The following PHACTR1 variants were observed in gnomAD, a reference collection of about 807,000 sequenced individuals.
PHACTR1 encodes the protein RPEL repeat containing 1.
In PHACTR1, 16 loss-of-function variants were observed where a neutral mutation model predicts 69.2. That is an observed-to-expected ratio of 0.23 (90% CI 0.16 to 0.35). The LOEUF (loss-of-function observed/expected upper bound fraction) is 0.35. PHACTR1 is among the 10% of genes least tolerant of loss of function. The pLI is 1.00. For missense variants in PHACTR1, 510 were observed against 734.7 expected (o/e 0.69, Z 3.54); for synonymous variants, 312 against 284.5 (o/e 1.10, Z -0.97).
chr6:12,817,311 A>C (rs1775700210), intron 4 of PHACTR1, among the ~76,000 whole-genome samples: 1 of 151,894 alleles, frequency 6.6e-6, no homozygotes, highest in Non-Finnish European at 1.5e-5. Flanking sequence ...GGTAACTTTT[A>C]CTCCTCTCTG....
At position 12,913,552 on chromosome 6, in the gene PHACTR1, C is replaced by G. The variant is rs79125480; in HGVS notation, c.251-139813C>G. Among the ~76,000 whole-genome samples, 823 of 152,336 alleles carry G rather than the reference C, an allele frequency of 5.4e-3. 1 individual carries two copies. Among genetic ancestry groups the G allele is most frequent in the African/African-American group, 0.019 (798 of 41,560 alleles). On this transcript the variant is annotated intron_variant, in intron 4 of 14. Transcript: ENST00000332995. ...GGCCCACCCTGCATGCTCTCTAGTACGAGAGAACTCCTTAGAGGTGGGATG... is the reference window on the plus strand; with the variant it reads ...GGCCCACCCTGCATGCTCTCTAGTAGGAGAGAACTCCTTAGAGGTGGGATG...
chr6:12,959,758 G>T (rs1792443388), intron 4 of PHACTR1, among the ~76,000 whole-genome samples: 1 of 152,164 alleles, frequency 6.6e-6, no homozygotes, highest in South Asian at 2.1e-4. Flanking sequence ...AAGATAACAA[G>T]ATGCTCAAAA....
chr6:13,143,940 C>G (rs1482256440), intron 5 of PHACTR1, among the ~76,000 whole-genome samples: 1 of 151,964 alleles, frequency 6.6e-6, no homozygotes, highest in Non-Finnish European at 1.5e-5. Context: ...ATACTGTTAG[C>G]AGAATAAAGG....
In PHACTR1 at chr6:13,278,405, T is replaced by C. The variant is rs1474718742; in HGVS notation, c.1509+76T>C. 8 of 1,372,536 alleles carry C rather than the reference T, an allele frequency of 5.8e-6. No homozygotes were observed. In the East Asian group the frequency reaches 2.0e-4, roughly 34 times the overall value. 85.0% of individuals were successfully genotyped at this position (1,372,536 alleles called of 1,614,324 possible). A position where few individuals can be genotyped will look rare whatever the true frequency, so the allele number is the denominator to read the frequency against. On this transcript the variant is annotated intron_variant, in intron 12 of 14. Coordinates refer to ENST00000332995, the MANE Select transcript of PHACTR1 (RefSeq NM_030948.6). ...GCCACACCTCTGCCCTCTGCTGGCC[T>C]CAGTGGCCTCACCGCTGCCTGGTTC...
intron 10 of PHACTR1, among the ~76,000 whole-genome samples, chr6:13,240,726 C>T (rs1667886420): frequency 6.6e-6 from 1 of 152,182 alleles, no homozygotes; most frequent in African/African-American, 2.4e-5. Flanking sequence ...GGATTACGGG[C>T]ATGAACCACT....
In PHACTR1 at chr6:13,051,737, C is replaced by T. The variant is rs139775278; in HGVS notation, c.251-1628C>T. On this transcript the variant is annotated intron_variant, in intron 4 of 14. Coordinates refer to ENST00000332995, the MANE Select transcript of PHACTR1 (RefSeq NM_030948.6). ...TTAGTTGCTCTCTCCTCTTCACTTACATTGAGTTTTATATTGTAGCTCTGT... is the reference window on the plus strand; with the variant it reads ...TTAGTTGCTCTCTCCTCTTCACTTATATTGAGTTTTATATTGTAGCTCTGT... Among the ~76,000 whole-genome samples the T allele has an allele frequency of 4.0e-3, 605 of 152,310 alleles. 3 individuals carry two copies. The highest frequency in any genetic ancestry group is 0.014 in the African/African-American group (579 of 41,562).
At chr6:13,185,052 A>G in intron 7 of PHACTR1, 1 of 1,290,714 alleles carries the variant, frequency 7.7e-7, no homozygotes, top group Non-Finnish European at 1.0e-6. Flanking sequence ...CTTCCCTTCA[A>G]GGGATTTTCT....
rs147750064 is a variant in PHACTR1, at chr6:13,100,709, A to T, written c.415+47180A>T. 5.7e-3 allele frequency among the ~76,000 whole-genome samples: 874 copies of T among 152,342 alleles called. 5 individuals carry two copies. The highest frequency in any genetic ancestry group is 0.021 in the South Asian group (103 of 4,830). The stretch of plus-strand genomic sequence containing the variant: ...GGAAATCCTCTGTGGAGTTGAATTA[A>T]TCAATCAACAAGCATTTATTTAACT... On this transcript the variant is annotated intron_variant, in intron 5 of 14. Transcript: ENST00000332995.
At chr6:13,278,354 C>G (rs1779384539) in intron 12 of PHACTR1, 25 bp downstream of exon 12, 1 of 1,575,050 alleles carries the variant, frequency 6.3e-7, no homozygotes, top group Non-Finnish European at 8.6e-7. Context: ...ATGCCAAGAG[C>G]TGGGACAGGA....
chr6:12,847,065 C>T (rs1290452884), intron 4 of PHACTR1, among the ~76,000 whole-genome samples: 2 of 152,060 alleles, frequency 1.3e-5, no homozygotes, highest in Admixed American at 6.5e-5. Context: ...GATCTGGCCG[C>T]GTTGGCCTCC....
chr6:12,842,995 T>C (rs1451690009), intron 4 of PHACTR1, among the ~76,000 whole-genome samples: 1 of 152,216 alleles, frequency 6.6e-6, no homozygotes, highest in Non-Finnish European at 1.5e-5. Flanking sequence ...CTACCCTTTA[T>C]ATGCTACTTA....
At chr6:12,982,018 C>G (rs1057157353) in intron 4 of PHACTR1, among the ~76,000 whole-genome samples, 1 of 152,120 alleles carries the variant, frequency 6.6e-6, no homozygotes, top group Non-Finnish European at 1.5e-5. Context: ...TTTTTGCTTA[C>G]TCTCTCCCTT....
rs368608615 is a variant in PHACTR1 at position 12,985,009 on chromosome 6, G to A, written c.251-68356G>A. 2.6e-5 allele frequency among the ~76,000 whole-genome samples: 4 copies of A among 152,172 alleles called. No homozygotes were observed. The East Asian group carries it at 7.7e-4, about 29-fold the overall frequency. ...ACTGCTTCTATACTTGGCAAAAGCC[G>A]GGTTGTCCCTTAAGTTAAAATCATC... On this transcript the variant is annotated intron_variant, in intron 4 of 14. Coordinates refer to ENST00000332995, the MANE Select transcript of PHACTR1 (RefSeq NM_030948.6).
intron 10 of PHACTR1, among the ~76,000 whole-genome samples, chr6:13,256,441 CT>C (rs1775210218): frequency 6.6e-6 from 1 of 152,234 alleles, no homozygotes. Flanking sequence ...AATTCCTCCC[CT>C]GAAAATGGGC....
intron 3 of PHACTR1, among the ~76,000 whole-genome samples, chr6:12,729,557 C>T (rs762059169): frequency 3.9e-5 from 6 of 152,134 alleles, no homozygotes; most frequent in East Asian, 1.9e-4. Context: ...TGGAGAATGG[C>T]GTAAGAGAAG....
intron 4 of PHACTR1, among the ~76,000 whole-genome samples, chr6:12,947,237 C>T (rs1217653961): frequency 1.3e-5 from 2 of 152,140 alleles, no homozygotes; most frequent in African/African-American, 4.8e-5. Context: ...CTGCTAGATG[C>T]TTACTATGCC....
intron 4 of PHACTR1, among the ~76,000 whole-genome samples, chr6:12,819,313 C>T (rs1342114929): frequency 6.6e-6 from 1 of 152,144 alleles, no homozygotes; most frequent in Non-Finnish European, 1.5e-5. Context: ...TTATTTTCTG[C>T]AAGCAAAATA....
At chr6:13,228,102 A>T (rs1770117224) in intron 9 of PHACTR1, 39 bp downstream of exon 9, 1 of 1,583,704 alleles carries the variant, frequency 6.3e-7, no homozygotes, top group African/African-American at 1.3e-5. Context: ...GTGGGGAAGC[A>T]TGCTATTGTG....
intron 4 of PHACTR1, among the ~76,000 whole-genome samples, chr6:12,941,539 T>C (rs1405305056): frequency 3.3e-5 from 5 of 151,790 alleles, no homozygotes; most frequent in African/African-American, 1.2e-4. Flanking sequence ...GCAGGGAGAG[T>C]TCGTGACCGG....
Sources: gnomAD v4.1 joint callset for allele counts (sites outside exome capture counted in the v4.1 genomes callset) on GRCh38, gnomAD v4.1.1 for gene constraint, MANE v1.5 for transcripts, NCBI Gene and HGNC (gene_info 2026-07-23, HGNC 2026-07-21) for gene names.